The following JAKMIP2 variants were observed in gnomAD, a reference collection of about 807,000 sequenced individuals.
JAKMIP2 encodes janus kinase and microtubule interacting protein 2.
In JAKMIP2, 25 loss-of-function variants were observed where a neutral mutation model predicts 115.0. The ratio of observed to expected loss-of-function variants is 0.22; its 90% CI spans 0.16 to 0.30. JAKMIP2 has a LOEUF of 0.30. Ranked by LOEUF, JAKMIP2 falls within the 10% of genes least tolerant of loss-of-function variation. The pLI, the probability that JAKMIP2 is intolerant of heterozygous loss-of-function variation, is 1.00. For missense variants in JAKMIP2, 642 were observed against 957.6 expected (o/e 0.67, Z 4.35); for synonymous variants, 334 against 343.6 (o/e 0.97, Z 0.31).
At chr5:147,630,565 G>C (rs2126683129) in intron 14 of JAKMIP2, among the ~76,000 whole-genome samples, 1 of 152,216 alleles carries the variant, frequency 6.6e-6, no homozygotes, top group South Asian at 2.1e-4. Context: ...TACCGTATTA[G>C]TACTATGTTC....
At chr5:147,598,790 A>T (rs1470004784) in intron 21 of JAKMIP2, among the ~76,000 whole-genome samples, 1 of 152,194 alleles carries the variant, frequency 6.6e-6, no homozygotes, top group Non-Finnish European at 1.5e-5. Flanking sequence ...TTTGTCATTT[A>T]AGCTAGTCTT....
intron 4 of JAKMIP2, among the ~76,000 whole-genome samples, chr5:147,649,820 C>T (rs753534793): frequency 6.6e-6 from 1 of 151,996 alleles, no homozygotes; most frequent in Non-Finnish European, 1.5e-5. Context: ...ATTTCTATTG[C>T]GCACTTCCGA....
chr5:147,682,377 G>T (rs1439204242), intron 1 of JAKMIP2, among the ~76,000 whole-genome samples: 1 of 152,210 alleles, frequency 6.6e-6, no homozygotes, highest in Non-Finnish European at 1.5e-5. Flanking sequence ...ACATAGGGGA[G>T]TGACTTGATG....
intron 20 of JAKMIP2, among the ~76,000 whole-genome samples, chr5:147,605,619 A>G (rs1755968690): frequency 6.6e-6 from 1 of 152,154 alleles, no homozygotes; most frequent in Non-Finnish European, 1.5e-5. Flanking sequence ...ATAGGTCTTT[A>G]TAGTAGAATG....
intron 3 of JAKMIP2, among the ~76,000 whole-genome samples, chr5:147,653,232 G>A (rs1289886925): frequency 6.6e-6 from 1 of 152,064 alleles, no homozygotes; most frequent in Non-Finnish European, 1.5e-5. Flanking sequence ...ACCAGTAATG[G>A]GATTGCTAGG....
intron 1 of JAKMIP2, among the ~76,000 whole-genome samples, chr5:147,735,984 C>A (rs1450438699): frequency 6.6e-6 from 1 of 152,064 alleles, no homozygotes; most frequent in Non-Finnish European, 1.5e-5. Context: ...CCACTCTGAG[C>A]AAGTCATTCT....
In JAKMIP2 at chr5:147,742,157, T is replaced by TATATA. The variant is rs1561571114; in HGVS notation, c.-149+40298_-149+40299insTATAT. On this transcript the variant is annotated intron_variant, in intron 1 of 21. Coordinates refer to ENST00000616793, the MANE Select transcript of JAKMIP2 (RefSeq NM_001270941.2). ...TGGATCATTATATATATATATATAT[T>TATATA]TTTTTTACTATTGTATTGTATCTTT... Among the ~76,000 whole-genome samples the TATATA allele has an allele frequency of 4.9e-3, 417 of 85,008 alleles. 23 individuals are homozygous for TATATA. The highest frequency in any genetic ancestry group is 0.026 in the African/African-American group (398 of 15,252). The allele number at this position is 85,008 out of a possible 152,430, so 55.8% of individuals were successfully genotyped here.
intron 1 of JAKMIP2, among the ~76,000 whole-genome samples, chr5:147,678,235 C>T (rs570713730): frequency 1.3e-4 from 20 of 152,278 alleles, no homozygotes; most frequent in African/African-American, 4.8e-4. Context: ...AACTTCTAAC[C>T]TCATGAACTG....
chr5:147,713,086 T>G (rs1450008698), intron 1 of JAKMIP2, among the ~76,000 whole-genome samples: 1 of 152,212 alleles, frequency 6.6e-6, no homozygotes, highest in Non-Finnish European at 1.5e-5. Context: ...ACGTATTGTG[T>G]AAAATTCATT....
intron 1 of JAKMIP2, among the ~76,000 whole-genome samples, chr5:147,768,644 T>C (rs1433714737): frequency 6.6e-6 from 1 of 152,136 alleles, no homozygotes; most frequent in East Asian, 1.9e-4. Context: ...TATTAAAATA[T>C]ACTATCTAAT....
At chr5:147,623,980 G>A (rs1384746078) in intron 16 of JAKMIP2, among the ~76,000 whole-genome samples, 1 of 151,870 alleles carries the variant, frequency 6.6e-6, no homozygotes, top group African/African-American at 2.4e-5. Context: ...GATTACAGGC[G>A]CCTGCCACCA....
chr5:147,593,510 A>G (rs1270222981), intron 21 of JAKMIP2, among the ~76,000 whole-genome samples: 22 of 152,194 alleles, frequency 1.4e-4, no homozygotes, highest in Non-Finnish European at 2.9e-5. Flanking sequence ...AGAGAAGAGG[A>G]AGAGTTCTCG....
intron 2 of JAKMIP2, among the ~76,000 whole-genome samples, chr5:147,663,745 T>C (rs1485500498): frequency 1.3e-5 from 2 of 152,222 alleles, no homozygotes; most frequent in African/African-American, 4.8e-5. Flanking sequence ...ATTCCCATGA[T>C]GGTTATTCTA....
chr5:147,663,161 C>A (rs2126786932), intron 2 of JAKMIP2, among the ~76,000 whole-genome samples: 1 of 152,164 alleles, frequency 6.6e-6, no homozygotes, highest in Middle Eastern at 3.4e-3. Flanking sequence ...ATATTTTAAC[C>A]ACTGTAATAT....
chr5:147,657,688 G>T (rs2126769800), intron 3 of JAKMIP2, among the ~76,000 whole-genome samples: 1 of 152,058 alleles, frequency 6.6e-6, no homozygotes, highest in South Asian at 2.1e-4. Context: ...TTTCTTGGAG[G>T]CTCTGTTCAT....
At chr5:147,678,327 T>C (rs1294165662) in intron 1 of JAKMIP2, among the ~76,000 whole-genome samples, 1 of 152,126 alleles carries the variant, frequency 6.6e-6, no homozygotes, top group Non-Finnish European at 1.5e-5. Flanking sequence ...TAATCACCAT[T>C]CCACTCTCTG....
intron 19 of JAKMIP2, among the ~76,000 whole-genome samples, chr5:147,615,679 G>A (rs1364862162): frequency 2.6e-5 from 4 of 152,110 alleles, no homozygotes; most frequent in Non-Finnish European, 1.5e-5. Flanking sequence ...TTTTAAAAAT[G>A]CTATTTATTA....
chr5:147,714,077 C>T (rs1287694705), intron 1 of JAKMIP2, among the ~76,000 whole-genome samples: 1 of 152,108 alleles, frequency 6.6e-6, no homozygotes, highest in African/African-American at 2.4e-5. Context: ...CCATACTTCA[C>T]ACACAATAAA....
intron 2 of JAKMIP2, among the ~76,000 whole-genome samples, chr5:147,670,503 T>C (rs1759524493): frequency 1.3e-5 from 2 of 152,198 alleles, no homozygotes; most frequent in African/African-American, 2.4e-5. Flanking sequence ...CTGATATTCA[T>C]ACCACCTTGG....
Sources: gnomAD v4.1 joint callset for allele counts (sites outside exome capture counted in the v4.1 genomes callset) on GRCh38, gnomAD v4.1.1 for gene constraint, MANE v1.5 for transcripts, NCBI Gene and HGNC (gene_info 2026-07-23, HGNC 2026-07-21) for gene names.